The following CDHR2 variants were observed in gnomAD, a reference collection of about 807,000 sequenced individuals.
CDHR2 encodes the protein cadherin related family member 2, also known as cadherin-related family member 2.
A neutral mutation model predicts 138.6 loss-of-function variants in CDHR2; 104 were observed. That is an observed-to-expected ratio of 0.75 (90% CI 0.64 to 0.88). The LOEUF is 0.88. Ranked by LOEUF, CDHR2 falls within the 40% of genes least tolerant of loss-of-function variation. CDHR2 has a pLI of 0.00. For missense variants in CDHR2, 1,624 were observed against 1,727.6 expected (o/e 0.94, Z 1.06); for synonymous variants, 755 against 742.8 (o/e 1.02, Z -0.27).
chr5:176,569,246 A>G (rs1758162811), intron 5 of CDHR2, among the ~76,000 whole-genome samples: 1 of 151,542 alleles, frequency 6.6e-6, no homozygotes, highest in South Asian at 2.1e-4. Context: ...TTTTTTGTTT[A>G]CATATAAATA....
At chr5:176,586,683 G>A in intron 20 of CDHR2, 110 bp from the exon 21 acceptor site, 1 of 930,842 alleles carries the variant, frequency 1.1e-6, no homozygotes, top group Non-Finnish European at 1.7e-6. Context: ...TTGGTAGAGA[G>A]GTTGAGGGCA....
chr5:176,568,929 A>C, intron 4 of CDHR2, 31 bp from the exon 5 acceptor site: 10 of 1,613,158 alleles, frequency 6.2e-6, no homozygotes, highest in Non-Finnish European at 8.5e-6. Flanking sequence ...GCGGGGGCTC[A>C]CCACCGGCCC....
At chr5:176,570,840 A>G (rs995703353) in intron 5 of CDHR2, among the ~76,000 whole-genome samples, 2 of 151,712 alleles carry the variant, frequency 1.3e-5, no homozygotes, top group African/African-American at 4.8e-5. Flanking sequence ...AATCCCAGCT[A>G]CTCAGGAGGC....
At chr5:176,546,234 A>G (rs1038907811), upstream of CDHR2, among the ~76,000 whole-genome samples, 2 of 152,096 alleles carry the variant, frequency 1.3e-5, no homozygotes, top group African/African-American at 4.8e-5. Context: ...TGTTGCACAG[A>G]TATGCTAATA....
At chr5:176,567,994 A>T (rs1250867941) in intron 3 of CDHR2, among the ~76,000 whole-genome samples, 1 of 152,250 alleles carries the variant, frequency 6.6e-6, no homozygotes, top group East Asian at 1.9e-4. Flanking sequence ...GTAGGCTCCC[A>T]TGCCAGTGGC....
intron 1 of CDHR2, among the ~76,000 whole-genome samples, chr5:176,557,560 A>ATTTTTT (rs5873538): frequency 1.1e-4 from 10 of 87,412 alleles, no homozygotes; most frequent in Non-Finnish European, 1.6e-4. Context: ...ACCTTCTTAG[A>ATTTTTT]TTTTTTTTTT....
At chr5:176,594,148 G>T (rs1269522667) in intron 31 of CDHR2, among the ~76,000 whole-genome samples, 1 of 152,184 alleles carries the variant, frequency 6.6e-6, no homozygotes, top group East Asian at 1.9e-4. Context: ...TCTGGAGAGG[G>T]TGTGGGGACA....
intron 1 of CDHR2, among the ~76,000 whole-genome samples, chr5:176,557,163 G>A (rs1198484006): frequency 2.4e-5 from 2 of 83,692 alleles, no homozygotes; most frequent in East Asian, 3.8e-4. Flanking sequence ...CCACAGGCAT[G>A]CACCATGGCG....
At chr5:176,591,813 A>T in intron 30 of CDHR2, 1 of 409,978 alleles carries the variant, frequency 2.4e-6, no homozygotes. Flanking sequence ...GGTGATGGTG[A>T]TGGTTGTGAT....
At chr5:176,588,595 G>A (rs1195319365) in intron 21 of CDHR2, among the ~76,000 whole-genome samples, 1 of 134,400 alleles carries the variant, frequency 7.4e-6, no homozygotes, top group African/African-American at 2.9e-5. Context: ...GGGTGTGTAT[G>A]AGTGTGTGTG....
rs1160320858 is a variant in CDHR2, at chr5:176,565,756, C to A, written c.124+13C>A. The A allele has an allele frequency of 6.2e-7, 1 of 1,609,700 alleles. No individual in the cohort carries two copies. The highest frequency in any genetic ancestry group is 8.5e-7 in the Non-Finnish European group (1 of 1,176,786). ...GACCTGCCTGTGGGTGAGTCCCGGT[C>A]CCTGTGTCTGCCCCATGTCAGGTCC... On this transcript the variant is annotated intron_variant, in intron 3 of 31. Coordinates refer to ENST00000261944, the MANE Select transcript of CDHR2 (RefSeq NM_017675.6).
chr5:176,574,329 C>T (rs1353945347), intron 7 of CDHR2, among the ~76,000 whole-genome samples, 157 bp downstream of exon 7: 1 of 152,194 alleles, frequency 6.6e-6, no homozygotes, highest in Non-Finnish European at 1.5e-5. Context: ...CCCCCCTCCC[C>T]GGAAACCTCG....
Position 176,577,624 on chromosome 5 carries a change from C to A in CDHR2, c.1351-13C>A, listed in dbSNP as rs760341480. 6.2e-7 allele frequency: 1 copy of A among 1,614,140 alleles called. No individual in the cohort carries two copies. Among genetic ancestry groups the A allele is most frequent in the Non-Finnish European group, 8.5e-7 (1 of 1,179,988 alleles). On this transcript the variant is annotated splice_polypyrimidine_tract_variant and intron_variant, in intron 13 of 31. Coordinates refer to ENST00000261944, the MANE Select transcript of CDHR2 (RefSeq NM_017675.6). ...TTGGGCCCCACAGCTGCTGCCTCCT[C>A]CCCTGCCCCCAGGTTGTGGCCACAG... is the stretch of plus-strand genomic sequence containing the variant.
intron 21 of CDHR2, 128 bp downstream of exon 21, chr5:176,586,970 G>A (rs1758686735): frequency 1.4e-6 from 1 of 733,374 alleles, no homozygotes; most frequent in Non-Finnish European, 2.3e-6. Flanking sequence ...AACCCCAGAA[G>A]GGAAACCAAC....
intron 17 of CDHR2, 120 bp from the exon 18 acceptor site, chr5:176,584,070 G>C: frequency 1.2e-6 from 1 of 818,472 alleles, no homozygotes; most frequent in East Asian, 2.6e-5. Flanking sequence ...GAAGTGGGCA[G>C]TGAGGTCTGA....
chr5:176,590,441 C>T lies in CDHR2; in HGVS notation c.3370C>T (p.Gln1124Ter), dbSNP rs779383584. The T allele has an allele frequency of 4.3e-6, 7 of 1,614,008 alleles. No individual in the cohort carries two copies. The highest frequency in any genetic ancestry group is 5.9e-6 in the Non-Finnish European group (7 of 1,179,952). The stretch of plus-strand genomic sequence containing the variant: ...TGTGGCCAGGATGATCCGGAATGAT[C>T]AGGACTCGCTGACGCAGCTGCTGCA... ...DELSVMIRND[Q>*]DSLTQLLQLG... The change falls in exon 27 of 32, where the codon CAG becomes TAG. Residue 1124 changes from glutamine to a stop codon, truncating the protein, a stop_gained. Coordinates refer to ENST00000261944, the MANE Select transcript of CDHR2 (RefSeq NM_017675.6). LOFTEE classifies it high-confidence loss of function.
In CDHR2 at chr5:176,590,135, T is replaced by C; in HGVS notation, c.3264T>C (p.Asp1088=). 5 of 1,613,810 alleles carry C rather than the reference T, an allele frequency of 3.1e-6. No homozygotes were observed. The highest frequency in any genetic ancestry group is 4.2e-6 in the Non-Finnish European group (5 of 1,179,954). The change falls in exon 25 of 32, where the codon GAT becomes GAC. Residue 1088 remains aspartate, a synonymous_variant. Transcript: ENST00000261944. The part of the protein sequence containing the change: ...TVYIVDIQDI[D]SAARARPHSY... ...ACATTGTGGACATTCAGGACATAGA[T>C]TCTGCAGCTCGGTGAGTGCCCAGAG... is the stretch of plus-strand genomic sequence containing the variant.
chr5:176,588,637 C>CTCTG (rs1758749894), intron 21 of CDHR2, among the ~76,000 whole-genome samples: 1 of 144,978 alleles, frequency 6.9e-6, no homozygotes, highest in Non-Finnish European at 1.5e-5. Context: ...TAGGGTGAGA[C>CTCTG]TGAGTGTGAG....
chr5:176,547,611 G>A (rs1199610129), upstream of CDHR2: 3 of 152,162 alleles, frequency 2.0e-5, no homozygotes, highest in Admixed American at 2.0e-4. Flanking sequence ...GCTGAATTTA[G>A]TGTGGACACC....
Sources: allele counts gnomAD v4.1 joint callset (sites outside exome capture counted in the v4.1 genomes callset), GRCh38; gene constraint gnomAD v4.1.1; transcripts MANE v1.5; gene names NCBI Gene and HGNC (gene_info 2026-07-23, HGNC 2026-07-21).